Variants in NFILZ observed in about 807,000 individuals in gnomAD.
NFILZ encodes the protein NFIL3 like basic leucine zipper.
chr19:8,647,581 C>CA (rs1283257208), intron 3 of NFILZ, among the ~76,000 whole-genome samples: 1 of 148,240 alleles, frequency 6.7e-6, no homozygotes, highest in African/African-American at 2.5e-5. Flanking sequence ...CCCGCACCCC[C>CA]CCCCCCAAAA....
chr19:8,633,677 C>G (rs879959245), intron 2 of NFILZ, among the ~76,000 whole-genome samples: 1 of 152,078 alleles, frequency 6.6e-6, no homozygotes, highest in Non-Finnish European at 1.5e-5. Flanking sequence ...TCCCTTCCTG[C>G]CCCCTCTGAA....
intron 3 of NFILZ, among the ~76,000 whole-genome samples, chr19:8,661,991 G>C (rs1277383537): frequency 2.0e-5 from 3 of 152,104 alleles, no homozygotes; most frequent in African/African-American, 7.2e-5. Flanking sequence ...ACTGAGGCTA[G>C]GAATTGGAGA....
Position 8,678,966 on chromosome 19 carries a change from C to T in NFILZ, c.*1331C>T, listed in dbSNP as rs10422871. ...AAGACCAGACTGAAGGAGGAGGTAACGTCTAGGGTGTCTGAATCCCCCTTC... is the reference window on the plus strand; with the variant it reads ...AAGACCAGACTGAAGGAGGAGGTAATGTCTAGGGTGTCTGAATCCCCCTTC... On this transcript the variant is annotated 3_prime_UTR_variant, in exon 6 of 6. Coordinates refer to ENST00000691075, the MANE Select transcript of NFILZ (RefSeq NM_001378600.1). 0.15 allele frequency among the ~76,000 whole-genome samples: 23,368 copies of T among 151,996 alleles called. 2,669 individuals carry two copies. The highest frequency in any genetic ancestry group is 0.5 in the East Asian group (2,578 of 5,136).
At chr19:8,655,132 C>G (rs1555748194) in intron 3 of NFILZ, among the ~76,000 whole-genome samples, 4 of 152,160 alleles carry the variant, frequency 2.6e-5, no homozygotes, top group Non-Finnish European at 1.5e-5. Context: ...GATGCAGAGG[C>G]TGGACAGAGA....
chr19:8,665,028 A>T (rs1472888125), intron 3 of NFILZ, among the ~76,000 whole-genome samples: 1 of 151,950 alleles, frequency 6.6e-6, no homozygotes, highest in African/African-American at 2.4e-5. Context: ...TTTCTGGACC[A>T]CACGGAGCAC....
chr19:8,672,609 T>G (rs566825371), intron 3 of NFILZ, among the ~76,000 whole-genome samples: 11 of 135,654 alleles, frequency 8.1e-5, no homozygotes, highest in African/African-American at 1.2e-4. Flanking sequence ...AAAAAATCCA[T>G]GCATTTATTA....
intron 3 of NFILZ, among the ~76,000 whole-genome samples, chr19:8,653,038 T>TTCTTTCTCTCTCCC (rs1555747925): frequency 3.4e-4 from 31 of 90,566 alleles, no homozygotes; most frequent in East Asian, 5.7e-4. Flanking sequence ...CTTTCTTTCT[T>TTCTTTCTCTCTCCC]TCTCTCTCTC....
intron 3 of NFILZ, among the ~76,000 whole-genome samples, chr19:8,659,465 G>A (rs375434794): frequency 4.1e-4 from 63 of 151,990 alleles, no homozygotes; most frequent in African/African-American, 1.5e-3. Context: ...AGCTGCAGGT[G>A]CCGAGGCCCT....
chr19:8,640,387 A>G (rs1195410416), intron 3 of NFILZ, among the ~76,000 whole-genome samples: 6 of 141,456 alleles, frequency 4.2e-5, no homozygotes, highest in African/African-American at 1.6e-4. Flanking sequence ...GCATTCCACC[A>G]CCAACAGGAA....
chr19:8,658,316 G>T (rs2043014300), intron 3 of NFILZ, among the ~76,000 whole-genome samples: 1 of 152,064 alleles, frequency 6.6e-6, no homozygotes, highest in Non-Finnish European at 1.5e-5. Flanking sequence ...TCTCCACCAT[G>T]CCCTATTGAT....
chr19:8,651,254 C>T (rs190469162), intron 3 of NFILZ, among the ~76,000 whole-genome samples: 26 of 149,660 alleles, frequency 1.7e-4, no homozygotes, highest in African/African-American at 6.1e-4. Context: ...CTCCGCCTCC[C>T]AGGTTCAAGC....
intron 3 of NFILZ, among the ~76,000 whole-genome samples, chr19:8,647,917 A>G (rs2042948771): frequency 6.6e-6 from 1 of 151,638 alleles, no homozygotes; most frequent in Admixed American, 6.6e-5. Context: ...TCGTGCCTGT[A>G]ATCCCAGCAC....
intron 4 of NFILZ, among the ~76,000 whole-genome samples, chr19:8,675,323 C>T (rs2043105779): frequency 6.6e-6 from 1 of 152,160 alleles, no homozygotes; most frequent in Non-Finnish European, 1.5e-5. Context: ...AAGGTGAAGA[C>T]ATCCCCCAGG....
At chr19:8,673,494 T>C (rs1007118092) in intron 3 of NFILZ, among the ~76,000 whole-genome samples, 2 of 152,212 alleles carry the variant, frequency 1.3e-5, no homozygotes, top group Non-Finnish European at 2.9e-5. Context: ...TGGAGCCGCC[T>C]ACCACTACAG....
rs111396987 is a variant in NFILZ at position 8,679,969 on chromosome 19, G to A, written c.*2334G>A. 0.026 allele frequency among the ~76,000 whole-genome samples: 3,901 copies of A among 152,158 alleles called. 168 individuals are homozygous for A. The highest frequency in any genetic ancestry group is 0.088 in the African/African-American group (3,667 of 41,496). On this transcript the variant is annotated 3_prime_UTR_variant, in exon 6 of 6. Coordinates refer to ENST00000691075, the MANE Select transcript of NFILZ (RefSeq NM_001378600.1). Reference sequence around the variant, plus strand: ...AGCACTTTGGGAGGCCAAGGCAGATGGATCTCACTTGAGGTCAGGAGTTCG... The same window carrying A: ...AGCACTTTGGGAGGCCAAGGCAGATAGATCTCACTTGAGGTCAGGAGTTCG...
At chr19:8,641,924 G>C (rs1490143060) in intron 3 of NFILZ, among the ~76,000 whole-genome samples, 1 of 152,016 alleles carries the variant, frequency 6.6e-6, no homozygotes, top group Non-Finnish European at 1.5e-5. Context: ...AAACTCCCAG[G>C]CTCAAGGGAT....
intron 1 of NFILZ, 77 bp downstream of exon 1, chr19:8,630,821 T>TG (rs1255112343): frequency 6.6e-6 from 1 of 152,212 alleles, no homozygotes; most frequent in African/African-American, 2.4e-5. Context: ...CAGGAGGGCA[T>TG]GCAGACCTGG....
chr19:8,644,301 A>G (rs10421700), intron 3 of NFILZ, among the ~76,000 whole-genome samples: 1,886 of 152,002 alleles, frequency 0.012, 40 homozygotes, highest in African/African-American at 0.043. Flanking sequence ...GGGTTTCACT[A>G]TGTTGGCCAG....
rs2043141593 is a variant in NFILZ, at chr19:8,680,477, G to A, written c.*2842G>A. Among the ~76,000 whole-genome samples the A allele has an allele frequency of 6.6e-6, 1 of 152,014 alleles. No individual in the cohort carries two copies. Among genetic ancestry groups the A allele is most frequent in the African/African-American group, 2.4e-5 (1 of 41,374 alleles). On this transcript the variant is annotated 3_prime_UTR_variant, in exon 6 of 6. Coordinates refer to ENST00000691075, the MANE Select transcript of NFILZ (RefSeq NM_001378600.1). The stretch of plus-strand genomic sequence containing the variant: ...TTTCTTTTGTGGTTTGTACATTTTT[G>A]TCATGTTTAAGACAACTTCCATGTC...
Sources: allele counts gnomAD v4.1 joint callset (sites outside exome capture counted in the v4.1 genomes callset), GRCh38; gene constraint gnomAD v4.1.1; transcripts MANE v1.5; gene names NCBI Gene and HGNC (gene_info 2026-07-23, HGNC 2026-07-21).